Variants in GNAZ observed in about 807,000 individuals in gnomAD.
The protein encoded by GNAZ is G protein subunit alpha z.
In GNAZ, 3 loss-of-function variants were observed where a neutral mutation model predicts 25.4. The observed-to-expected ratio is 0.12, with a 90% CI of 0.05 to 0.30. The LOEUF (loss-of-function observed/expected upper bound fraction) is 0.30. GNAZ is among the 10% of genes least tolerant of loss of function. GNAZ has a pLI of 1.00. For synonymous variants in GNAZ, 211 were observed against 205.7 expected, an observed-to-expected ratio of 1.03 and a Z score of -0.22; for missense variants, 241 against 501.8, an observed-to-expected ratio of 0.48 and a Z score of 4.97.
chr22:23,104,233 G>C (rs975520836), intron 2 of GNAZ, among the ~76,000 whole-genome samples: 4 of 152,194 alleles, frequency 2.6e-5, no homozygotes, highest in Non-Finnish European at 5.9e-5. Context: ...TAAGGTCTAA[G>C]CAGGCAGGGC....
At chr22:23,080,972 G>A (rs1176861249) in intron 1 of GNAZ, among the ~76,000 whole-genome samples, 2 of 152,194 alleles carry the variant, frequency 1.3e-5, no homozygotes, top group Non-Finnish European at 2.9e-5. Context: ...CCTTCCACAT[G>A]TATCCCTTTG....
chr22:23,118,730 A>AG (rs138516452), intron 2 of GNAZ, among the ~76,000 whole-genome samples: 1,658 of 152,316 alleles, frequency 0.011, 16 homozygotes, highest in Non-Finnish European at 0.02. Context: ...CTGCAGGACA[A>AG]GGGGGTGATG....
In GNAZ at chr22:23,124,129, C is replaced by G; in HGVS notation, c.*698C>G. The G allele has an allele frequency of 4.8e-6, 1 of 210,074 alleles. No individual in the cohort carries two copies. The highest frequency in any genetic ancestry group is 5.3e-5 in the South Asian group (1 of 18,796). The allele number at this position is 210,074 out of a possible 1,614,324, so 13.0% of individuals were successfully genotyped here. ...ATTTCAAACTAGGCCAGCTGGGATT[C>G]CAGCTTTTCTTCTACTAGTCTGATG... is the stretch of plus-strand genomic sequence containing the variant. On this transcript the variant is annotated 3_prime_UTR_variant, in exon 3 of 3. Coordinates refer to ENST00000615612, the MANE Select transcript of GNAZ (RefSeq NM_002073.4).
intron 2 of GNAZ, among the ~76,000 whole-genome samples, chr22:23,119,164 C>T (rs369167021): frequency 2.0e-5 from 3 of 152,216 alleles, no homozygotes; most frequent in Non-Finnish European, 4.4e-5. Flanking sequence ...GCTTTGCCCA[C>T]CTGTCTGCAC....
intron 2 of GNAZ, among the ~76,000 whole-genome samples, chr22:23,111,480 A>C (rs551894743): frequency 1.3e-4 from 20 of 152,348 alleles, no homozygotes; most frequent in African/African-American, 3.8e-4. Flanking sequence ...ATGCCAAGGC[A>C]GTCTTCTCTG....
chr22:23,085,767 C>T (rs565955638), intron 1 of GNAZ, among the ~76,000 whole-genome samples: 13 of 152,360 alleles, frequency 8.5e-5, no homozygotes, highest in South Asian at 6.2e-4. Context: ...CCAGGAGGCA[C>T]GGGCAGTGGG....
At chr22:23,082,664 C>T (rs2068716039) in intron 1 of GNAZ, among the ~76,000 whole-genome samples, 1 of 152,246 alleles carries the variant, frequency 6.6e-6, no homozygotes, top group South Asian at 2.1e-4. Context: ...CACTGCAGAA[C>T]TCCCACGGCA....
intron 1 of GNAZ, among the ~76,000 whole-genome samples, chr22:23,082,808 G>A (rs2068718967): frequency 6.6e-6 from 1 of 152,164 alleles, no homozygotes; most frequent in Admixed American, 6.5e-5. Flanking sequence ...AGGACATGGG[G>A]GATGGGCCTG....
Position 23,123,175 on chromosome 22 carries a change from A to G in GNAZ, c.812A>G (p.Lys271Arg), listed in dbSNP as rs1411935722. 1 of 1,613,912 alleles carries G rather than the reference A, an allele frequency of 6.2e-7. No individual in the cohort carries two copies. Among genetic ancestry groups the G allele is most frequent in the Admixed American group, 1.7e-5 (1 of 60,016 alleles). Residue 271 changes from lysine to arginine, a missense_variant, in exon 3 of 3, where the codon AAG becomes AGG. By Grantham distance (26) the Lys-to-Arg change is conservative. Coordinates refer to ENST00000615612, the MANE Select transcript of GNAZ (RefSeq NM_002073.4). The stretch of plus-strand genomic sequence containing the variant: ...ACCTCACTCATCCTCTTCCTGAACA[A>G]GAAGGACCTGCTGGCAGAGAAGATC... ...INTSLILFLN[K>R]KDLLAEKIRR...
At chr22:23,086,853 C>T (rs2068833238) in intron 1 of GNAZ, among the ~76,000 whole-genome samples, 1 of 152,212 alleles carries the variant, frequency 6.6e-6, no homozygotes, top group Non-Finnish European at 1.5e-5. Flanking sequence ...ACAAAGGACA[C>T]CTGGCTCCTC....
At chr22:23,114,219 C>G (rs368135259) in intron 2 of GNAZ, among the ~76,000 whole-genome samples, 3 of 152,334 alleles carry the variant, frequency 2.0e-5, no homozygotes, top group African/African-American at 7.2e-5. Context: ...TTCATGTCTA[C>G]AACCCCGCCC....
intron 1 of GNAZ, among the ~76,000 whole-genome samples, chr22:23,086,146 G>A (rs943828278): frequency 2.6e-5 from 4 of 152,200 alleles, no homozygotes; most frequent in African/African-American, 9.7e-5. Flanking sequence ...CATTTTTTAA[G>A]TAAAAAAGGC....
intron 2 of GNAZ, among the ~76,000 whole-genome samples, chr22:23,103,922 C>T (rs2069380446): frequency 6.6e-6 from 1 of 152,332 alleles, no homozygotes; most frequent in South Asian, 2.1e-4. Context: ...GTGACTGGCC[C>T]TGAGCCTGCC....
intron 1 of GNAZ, 50 bp downstream of exon 1, chr22:23,070,620 CG>C (rs2068337364): frequency 1.3e-5 from 2 of 149,240 alleles, no homozygotes; most frequent in African/African-American, 2.4e-5. Flanking sequence ...CCTCAGGGGT[CG>C]GGGGCACGGC....
chr22:23,113,575 T>A (rs1254810876), intron 2 of GNAZ, among the ~76,000 whole-genome samples: 1 of 152,272 alleles, frequency 6.6e-6, no homozygotes, highest in Non-Finnish European at 1.5e-5. Context: ...CCTTTGCGAC[T>A]GATACCATCC....
In GNAZ at chr22:23,099,656, C is replaced by T. The variant is rs528493018; in HGVS notation, c.723+3238C>T. 1.0e-3 allele frequency among the ~76,000 whole-genome samples: 159 copies of T among 152,336 alleles called. 3 individuals carry two copies. The South Asian group carries it at 0.022, about 21-fold the overall frequency. On this transcript the variant is annotated intron_variant, in intron 2 of 2. Transcript: ENST00000615612. ...CCTGAGAGGCCATGTGTCACAGGAC[C>T]CACCACGGGCCTCCCACTTAGCCAG...
At chr22:23,073,954 C>T (rs1375589092) in intron 1 of GNAZ, among the ~76,000 whole-genome samples, 4 of 152,106 alleles carry the variant, frequency 2.6e-5, no homozygotes, top group East Asian at 3.9e-4. Context: ...GACACAGTGC[C>T]ATGCAGAAGT....
intron 2 of GNAZ, chr22:23,122,776 A>AG (rs2070068629): frequency 2.5e-6 from 1 of 400,512 alleles, no homozygotes; most frequent in East Asian, 4.1e-5. Flanking sequence ...GCGGTTTAGG[A>AG]GGCTGTGCTT....
chr22:23,111,913 TCA>T (rs1416763152), intron 2 of GNAZ, among the ~76,000 whole-genome samples: 2 of 152,304 alleles, frequency 1.3e-5, no homozygotes, highest in Non-Finnish European at 2.9e-5. Flanking sequence ...AGGTGTCTGA[TCA>T]CAGAGTGTGT....
Sources: allele counts gnomAD v4.1 joint callset (sites outside exome capture counted in the v4.1 genomes callset), GRCh38; gene constraint gnomAD v4.1.1; transcripts MANE v1.5; gene names NCBI Gene and HGNC (gene_info 2026-07-23, HGNC 2026-07-21).